The following QSER1 variants were observed in gnomAD, a reference collection of about 807,000 sequenced individuals.
The protein encoded by QSER1 is glutamine and serine-rich protein 1.
A neutral mutation model predicts 158.5 loss-of-function variants in QSER1; 49 were observed. The ratio of observed to expected loss-of-function variants is 0.31; its 90% confidence interval spans 0.25 to 0.39. The LOEUF (loss-of-function observed/expected upper bound fraction) is 0.39, where lower values mean the gene tolerates loss of function less well. Ranked by LOEUF, QSER1 falls within the 10% of genes least tolerant of loss-of-function variation. The pLI, the probability that QSER1 is intolerant of heterozygous loss-of-function variation, is 1.00. For synonymous variants in QSER1, 650 were observed against 715.5 expected (o/e 0.91, Z 1.46); for missense variants, 1,754 against 2,010.3 (o/e 0.87, Z 2.44).
intron 10 of QSER1, among the ~76,000 whole-genome samples, chr11:32,972,406 C>CTTATTTATTTATTTAT (rs34645067): frequency 2.1e-5 from 3 of 141,008 alleles, no homozygotes; most frequent in East Asian, 2.1e-4. Flanking sequence ...AGGCCAGTGG[C>CTTATTTATTTATTTAT]TTATTTATTT....
chr11:32,931,558 GAAAA>G (rs1233575908), intron 3 of QSER1, among the ~76,000 whole-genome samples, 181 bp from the exon 4 acceptor site: 2 of 151,078 alleles, frequency 1.3e-5, no homozygotes, highest in Non-Finnish European at 1.5e-5. Context: ...AAAAAAAAAA[GAAAA>G]GAAAGAAAGA....
Position 32,973,497 on chromosome 11 carries a change from C to A in QSER1, c.5306C>A (p.Ala1769Asp). ...TCTAAAATCAAAATGAATGGCAAAG[C>A]CTATAATAAGAAAACTCTAAGGACT... Reference protein sequence around the residue: ...AISKIKMNGKAYNKKTLRTSK... With the variant: ...AISKIKMNGKDYNKKTLRTSK... The change falls in exon 11 of 13, where the codon GCC becomes GAC. Residue 1769 changes from alanine to aspartate, a missense_variant. Physicochemically the swap from Ala to Asp is moderately radical, Grantham distance 126. Coordinates refer to ENST00000650167, the MANE Select transcript of QSER1 (RefSeq NM_001076786.3). 1 of 1,613,316 alleles carries A rather than the reference C, an allele frequency of 6.2e-7. No individual in the cohort carries two copies. Among genetic ancestry groups the A allele is most frequent in the Non-Finnish European group, 8.5e-7 (1 of 1,179,606 alleles).
intron 4 of QSER1, among the ~76,000 whole-genome samples, chr11:32,941,246 A>G (rs1201963009): frequency 1.3e-5 from 2 of 150,496 alleles, no homozygotes; most frequent in African/African-American, 4.9e-5. Flanking sequence ...ATTTTTAATT[A>G]TTATACTTTA....
chr11:32,916,196 C>A (rs551938216), intron 1 of QSER1, among the ~76,000 whole-genome samples: 1 of 152,092 alleles, frequency 6.6e-6, no homozygotes. Context: ...CCACCGCGCT[C>A]GGCTGGATGA....
chr11:32,937,851 C>T (rs945119011), intron 4 of QSER1, among the ~76,000 whole-genome samples: 8 of 152,110 alleles, frequency 5.3e-5, no homozygotes, highest in African/African-American at 1.7e-4. Flanking sequence ...ACACATTTTT[C>T]TCTTTGTAGA....
In QSER1 at chr11:32,980,155, C is replaced by T. The variant is rs1853046057; in HGVS notation, c.*3681C>T. The T allele has an allele frequency of 6.6e-6, 1 of 152,534 alleles. No individual in the cohort carries two copies. The highest frequency in any genetic ancestry group is 1.5e-5 in the Non-Finnish European group (1 of 68,032). The allele number at this position is 152,534 out of a possible 1,614,324, so 9.4% of individuals were successfully genotyped here. ...TATAAAGAAACCTGCATTTGTAGTC[C>T]AGCGTTTTCATTTGGTCCATAACAC... On this transcript the variant is annotated 3_prime_UTR_variant, in exon 13 of 13. Coordinates refer to ENST00000650167, the MANE Select transcript of QSER1 (RefSeq NM_001076786.3).
intron 6 of QSER1, among the ~76,000 whole-genome samples, 180 bp downstream of exon 6, chr11:32,955,592 C>A (rs1028433309): frequency 5.3e-5 from 8 of 151,746 alleles, no homozygotes; most frequent in African/African-American, 1.7e-4. Flanking sequence ...TGTTAAATAT[C>A]AGCTATTTAA....
At chr11:32,957,135 T>TTTC in intron 7 of QSER1, among the ~76,000 whole-genome samples, 2 of 136,812 alleles carry the variant, frequency 1.5e-5, no homozygotes, top group Admixed American at 7.3e-5. Context: ...TTTTTTTTTC[T>TTTC]TTTTTTTTTT....
chr11:32,932,050 C>T lies in QSER1; in HGVS notation c.792C>T (p.Arg264=). 6.2e-7 allele frequency: 1 copy of T among 1,614,226 alleles called. No individual in the cohort carries two copies. The highest frequency in any genetic ancestry group is 8.5e-7 in the Non-Finnish European group (1 of 1,180,046). ...NSIPPQSSTY[R]SAQESAPHLL... is the part of the protein sequence containing the mutation. ...TACCACCTCAGTCTTCAACATACCG[C>T]TCAGCTCAAGAGTCTGCACCCCATC... The change falls in exon 4 of 13, where the codon CGC becomes CGT. Residue 264 remains arginine (R), a synonymous_variant. Coordinates refer to ENST00000650167, the MANE Select transcript of QSER1 (RefSeq NM_001076786.3).
At chr11:32,903,590 GTTTT>G (rs1176949754) in intron 1 of QSER1, among the ~76,000 whole-genome samples, 4 of 151,090 alleles carry the variant, frequency 2.6e-5, no homozygotes, top group African/African-American at 9.8e-5. Context: ...GCTTCAGTAA[GTTTT>G]TTATTTGTTT....
intron 4 of QSER1, among the ~76,000 whole-genome samples, chr11:32,946,674 T>C (rs532350266): frequency 6.0e-4 from 92 of 152,272 alleles, no homozygotes; most frequent in African/African-American, 2.1e-3. Flanking sequence ...AGGTTACTGC[T>C]GTCTTTTTGT....
intron 1 of QSER1, among the ~76,000 whole-genome samples, chr11:32,912,215 C>G (rs1052966257): frequency 1.3e-5 from 2 of 152,332 alleles, no homozygotes; most frequent in East Asian, 3.8e-4. Context: ...CTCTTTAACA[C>G]CTCAAACTCA....
rs371086973 is a variant in QSER1 at position 32,973,390 on chromosome 11, T to G, written c.5206-7T>G. 2.4e-5 allele frequency: 39 copies of G among 1,612,828 alleles called. No individual in the cohort carries two copies. The highest frequency in any genetic ancestry group is 3.2e-5 in the Non-Finnish European group (38 of 1,179,652). On this transcript the variant is annotated splice_polypyrimidine_tract_variant and splice_region_variant and intron_variant, in intron 10 of 12. Coordinates refer to ENST00000650167, the MANE Select transcript of QSER1 (RefSeq NM_001076786.3). ...GGTGTCAGTTATTTTGCTTCATTGT[T>G]TTCCAGAATGCTTTGGAAAGTTTTC...
chr11:32,893,160 AGCCGCCGCC>A lies in QSER1; in HGVS notation c.48_56del (p.Pro17_Pro19del), dbSNP rs533283881. On this transcript the variant is annotated inframe_deletion, in exon 1 of 13. Coordinates refer to ENST00000650167, the MANE Select transcript of QSER1 (RefSeq NM_001076786.3). The surrounding 1 kb of genome is among the most constrained non-coding windows in gnomAD (Gnocchi z 4.7). ...AACTACGCGACCTCGGGCTTCACCG[AGCCGCCGCC>A]GCCGCCGCCGCCCGCGCCCCCCGCC... 131 of 117,762 alleles carry A rather than the reference AGCCGCCGCC, an allele frequency of 1.1e-3. No individual in the cohort carries two copies. Among genetic ancestry groups the A allele is most frequent in the Non-Finnish European group, 1.5e-3 (87 of 57,234 alleles). The allele number at this position is 117,762 out of a possible 1,614,324, so 7.3% of individuals were successfully genotyped here. A position where few individuals can be genotyped will look rare whatever the true frequency, so the allele number is the denominator to read the frequency against.
At position 32,957,996 on chromosome 11, in the gene QSER1, C is replaced by T; in HGVS notation, c.4879C>T (p.Pro1627Ser). Residue 1627 changes from proline to serine, a missense_variant, in exon 8 of 13, where the codon CCA becomes TCA. Physicochemically the swap from Pro to Ser is moderately conservative, Grantham distance 74. Transcript: ENST00000650167. Reference protein sequence around the residue: ...KQPKVKAEPPPKKRKKWKEEF... With the variant: ...KQPKVKAEPPSKKRKKWKEEF... ...GCCAAAAGTAAAGGCTGAGCCACCACCAAAGAAACGGAAAAAATGGAAAGA... is the reference window on the plus strand; with the variant it reads ...GCCAAAAGTAAAGGCTGAGCCACCATCAAAGAAACGGAAAAAATGGAAAGA... 1 of 1,614,040 alleles carries T rather than the reference C, an allele frequency of 6.2e-7. No homozygotes were observed. Among genetic ancestry groups the T allele is most frequent in the Non-Finnish European group, 8.5e-7 (1 of 1,179,996 alleles).
chr11:32,939,842 T>C (rs1347160785), intron 4 of QSER1, among the ~76,000 whole-genome samples: 1 of 152,176 alleles, frequency 6.6e-6, no homozygotes, highest in African/African-American at 2.4e-5. Flanking sequence ...GGTCCATACA[T>C]AGAATGAGAA....
intron 1 of QSER1, among the ~76,000 whole-genome samples, chr11:32,914,860 T>TA (rs1313101820): frequency 1.3e-5 from 2 of 152,238 alleles, no homozygotes; most frequent in African/African-American, 4.8e-5. Context: ...TGGTCACACT[T>TA]AAACAGTGTA....
intron 1 of QSER1, among the ~76,000 whole-genome samples, chr11:32,921,463 A>T (rs1442826912): frequency 2.0e-5 from 3 of 152,216 alleles, no homozygotes; most frequent in East Asian, 1.9e-4. Flanking sequence ...AAAACCACTG[A>T]TTAGCATACT....
chr11:32,959,921 C>T (rs939089016), intron 8 of QSER1, among the ~76,000 whole-genome samples: 5 of 152,214 alleles, frequency 3.3e-5, no homozygotes, highest in Non-Finnish European at 5.9e-5. Context: ...ACCACCACAC[C>T]CAGCTAATTT....
Sources: allele counts gnomAD v4.1 joint callset (sites outside exome capture counted in the v4.1 genomes callset), GRCh38; gene constraint gnomAD v4.1.1; non-coding constraint Gnocchi (gnomAD v3.1); transcripts MANE v1.5; gene names NCBI Gene and HGNC (gene_info 2026-07-23, HGNC 2026-07-21).